The following NAALADL2 variants were observed in gnomAD, a reference collection of about 807,000 sequenced individuals.
NAALADL2 encodes N-acetylated alpha-linked acidic dipeptidase like 2, also known as inactive N-acetylated-alpha-linked acidic dipeptidase-like protein 2.
In NAALADL2, 76 loss-of-function variants were observed where a neutral mutation model predicts 87.2. That is an observed-to-expected ratio of 0.87 (90% confidence interval 0.72 to 1.05). The LOEUF (loss-of-function observed/expected upper bound fraction) is 1.05, where lower values mean the gene tolerates loss of function less well. Ranked by LOEUF, NAALADL2 falls within the 50% of genes least tolerant of loss-of-function variation. The probability of loss-of-function intolerance (pLI) is 0.00; values close to 1 mark genes in which losing one functional copy is unlikely to be tolerated. For missense variants in NAALADL2, 1,089 were observed against 945.8 expected (o/e 1.15, Z -1.99); for synonymous variants, 354 against 331.0 (o/e 1.07, Z -0.75).
intron 2 of NAALADL2, among the ~76,000 whole-genome samples, chr3:174,623,867 GGAGCCAATT>G (rs1436031503): frequency 6.6e-6 from 1 of 152,008 alleles, no homozygotes; most frequent in Non-Finnish European, 1.5e-5. Context: ...CATGTAAATA[GGAGCCAATT>G]TACTTTATAT....
intron 11 of NAALADL2, among the ~76,000 whole-genome samples, chr3:175,710,791 G>C (rs1484686683): frequency 6.6e-6 from 1 of 151,492 alleles, no homozygotes; most frequent in Admixed American, 6.6e-5. Context: ...GCATTCTTTT[G>C]TACCCTCACC....
chr3:175,655,555 GA>G, intron 11 of NAALADL2: 1 of 259,904 alleles, frequency 3.8e-6, no homozygotes, highest in Non-Finnish European at 8.0e-6. Flanking sequence ...AAGTGCTTTT[GA>G]AAATCCTACA....
At chr3:174,701,430 G>A (rs768206352) in intron 2 of NAALADL2, among the ~76,000 whole-genome samples, 14 of 151,824 alleles carry the variant, frequency 9.2e-5, no homozygotes, top group African/African-American at 1.7e-4. Flanking sequence ...GAATTCATTA[G>A]GCTATCTTTT....
intron 11 of NAALADL2, among the ~76,000 whole-genome samples, chr3:175,716,486 G>A (rs62284554): frequency 0.11 from 16,511 of 151,708 alleles, 955 homozygotes; most frequent in Middle Eastern, 0.16. Flanking sequence ...TGTTTGACAC[G>A]GAAGCTTGAC....
intron 4 of NAALADL2, among the ~76,000 whole-genome samples, chr3:175,321,998 T>A (rs368487857): frequency 1.3e-3 from 202 of 151,880 alleles, no homozygotes; most frequent in African/African-American, 4.8e-3. Flanking sequence ...TTTAAAGTTC[T>A]TATGGAACCA....
intron 1 of NAALADL2, among the ~76,000 whole-genome samples, chr3:175,083,017 C>T (rs1718183154): frequency 1.3e-5 from 2 of 152,184 alleles, no homozygotes; most frequent in African/African-American, 2.4e-5. Flanking sequence ...ATGTAAGATA[C>T]AGGACCTGGT....
chr3:175,325,000 C>T (rs538862250), intron 5 of NAALADL2, among the ~76,000 whole-genome samples: 6 of 151,872 alleles, frequency 4.0e-5, no homozygotes, highest in Non-Finnish European at 8.8e-5. Context: ...GTGTCATTGG[C>T]GGATATTCTG....
At chr3:174,995,819 T>C (rs1289022037) in intron 1 of NAALADL2, among the ~76,000 whole-genome samples, 1 of 151,620 alleles carries the variant, frequency 6.6e-6, no homozygotes, top group Non-Finnish European at 1.5e-5. Flanking sequence ...ATTATAGAAA[T>C]TCAGTGATTT....
chr3:174,538,046 A>C (rs1201899370), intron 1 of NAALADL2, among the ~76,000 whole-genome samples: 1 of 152,180 alleles, frequency 6.6e-6, no homozygotes, highest in Non-Finnish European at 1.5e-5. Context: ...GGAATGATAC[A>C]GTTAAATGTA....
chr3:175,648,959 T>A (rs1730390944), intron 11 of NAALADL2, among the ~76,000 whole-genome samples: 1 of 152,192 alleles, frequency 6.6e-6, no homozygotes, highest in Non-Finnish European at 1.5e-5. Context: ...TTAAGTGTTT[T>A]TAATGCTGGT....
chr3:175,035,228 A>G (rs1216341070), intron 1 of NAALADL2, among the ~76,000 whole-genome samples: 1 of 152,204 alleles, frequency 6.6e-6, no homozygotes, highest in Non-Finnish European at 1.5e-5. Context: ...CAGATATAAA[A>G]GAAGTTTGAA....
At chr3:175,800,075 A>G (rs1753959733) in intron 13 of NAALADL2, among the ~76,000 whole-genome samples, 1 of 152,164 alleles carries the variant, frequency 6.6e-6, no homozygotes, top group Non-Finnish European at 1.5e-5. Context: ...CTCATCTGTA[A>G]CAGAGGCCTG....
intron 7 of NAALADL2, 75 bp from the exon 8 acceptor site, chr3:175,466,904 A>G: frequency 1.6e-6 from 2 of 1,226,848 alleles, no homozygotes; most frequent in African/African-American, 1.5e-5. Flanking sequence ...GTGCAATAGA[A>G]TTATGTAAAT....
At chr3:175,283,432 G>A (rs62285119) in intron 4 of NAALADL2, among the ~76,000 whole-genome samples, 32,732 of 151,948 alleles carry the variant, frequency 0.22, 3,777 homozygotes, top group Middle Eastern at 0.28. Flanking sequence ...TTTTTGTTCT[G>A]TTAGCCAGGT....
Position 175,504,565 on chromosome 3 carries a change from T to TTC in NAALADL2, c.1653+32862_1653+32863dup, listed in dbSNP as rs200985901. Among the ~76,000 whole-genome samples, 1,055 of 134,272 alleles carry TTC rather than the reference T, an allele frequency of 7.9e-3. 12 individuals carry two copies. The highest frequency in any genetic ancestry group is 0.011 in the Non-Finnish European group (670 of 61,952). 88.1% of individuals were successfully genotyped at this position (134,272 alleles called of 152,430 possible). The stretch of plus-strand genomic sequence containing the variant: ...CTTCTTTCTCTCTGTCTCTCTCTGT[T>TTC]TCTCTCTCTCTCTCTCTCTCTCTCT... On this transcript the variant is annotated intron_variant, in intron 9 of 13. Transcript: ENST00000454872.
At chr3:174,523,282 C>T (rs1349174422) in intron 1 of NAALADL2, 1 of 152,088 alleles carries the variant, frequency 6.6e-6, no homozygotes, top group Non-Finnish European at 1.5e-5. Context: ...GCTTAACATA[C>T]TTAAATAATA....
intron 1 of NAALADL2, among the ~76,000 whole-genome samples, chr3:175,015,987 G>A (rs1232931835): frequency 6.6e-6 from 1 of 151,550 alleles, no homozygotes; most frequent in South Asian, 2.1e-4. Context: ...GTTTTGGGGG[G>A]AGGAACCTTT....
In NAALADL2 at chr3:174,990,588, G is replaced by A. The variant is rs970953196; in HGVS notation, c.44-106202G>A. Among the ~76,000 whole-genome samples the A allele has an allele frequency of 3.3e-5, 5 of 151,992 alleles. No homozygotes were observed. The East Asian group carries it at 5.8e-4, about 18-fold the overall frequency. On this transcript the variant is annotated intron_variant, in intron 1 of 13. Transcript: ENST00000454872. ...TTAAAAGTTGTATATATGGAAAGCC[G>A]GGAGGAACTTTTCAAAAGTCGATAA...
intron 11 of NAALADL2, among the ~76,000 whole-genome samples, chr3:175,682,397 A>G (rs1403022057): frequency 6.6e-6 from 1 of 152,048 alleles, no homozygotes; most frequent in Non-Finnish European, 1.5e-5. Flanking sequence ...ATAATATTGC[A>G]TTTGAAAAGA....
Sources: allele counts gnomAD v4.1 joint callset (sites outside exome capture counted in the v4.1 genomes callset), GRCh38; gene constraint gnomAD v4.1.1; transcripts MANE v1.5; gene names NCBI Gene and HGNC (gene_info 2026-07-23, HGNC 2026-07-21).